Variants in UNC5C observed in about 807,000 individuals in gnomAD.
The protein encoded by UNC5C is netrin receptor UNC5C.
A neutral mutation model predicts 99.8 loss-of-function variants in UNC5C; 47 were observed. That is an observed-to-expected ratio of 0.47 (90% CI 0.37 to 0.60). The LOEUF (loss-of-function observed/expected upper bound fraction) is 0.60. Ranked by LOEUF, UNC5C falls within the 20% of genes least tolerant of loss-of-function variation. The pLI is 0.00. For missense variants in UNC5C, 1,062 were observed against 1,165.9 expected (o/e 0.91, Z 1.30); for synonymous variants, 487 against 452.2 (o/e 1.08, Z -0.98).
intron 4 of UNC5C, among the ~76,000 whole-genome samples, chr4:95,276,663 A>G (rs1043292152): frequency 1.3e-5 from 2 of 152,170 alleles, no homozygotes; most frequent in African/African-American, 2.4e-5. Context: ...CATATGCACT[A>G]TTGTCATTAT....
chr4:95,262,224 A>G (rs28708977), intron 4 of UNC5C, among the ~76,000 whole-genome samples: 62,423 of 152,064 alleles, frequency 0.41, 14,266 homozygotes, highest in Middle Eastern at 0.54. Flanking sequence ...GGTGGTTTAA[A>G]TTCTTTGCTT....
At chr4:95,227,510 A>C (rs1025713125) in intron 7 of UNC5C, among the ~76,000 whole-genome samples, 6 of 152,218 alleles carry the variant, frequency 3.9e-5, no homozygotes, top group African/African-American at 1.2e-4. Context: ...CCTGACTTGC[A>C]GGAATACAGA....
intron 1 of UNC5C, among the ~76,000 whole-genome samples, chr4:95,452,319 C>T (rs1180136902): frequency 6.6e-6 from 1 of 152,048 alleles, no homozygotes; most frequent in African/African-American, 2.4e-5. Context: ...CAATCCTTTG[C>T]TTGAACACAT....
In UNC5C at chr4:95,531,805, C is replaced by T. The variant is rs568334841; in HGVS notation, c.124+16929G>A. On this transcript the variant is annotated intron_variant, in intron 1 of 15. Transcript: ENST00000453304. ...CACACTCACACCATTGTGCCCTGCACGAGACTTGTTGACTTTATAGTGGAG... is the reference window on the plus strand; with the variant it reads ...CACACTCACACCATTGTGCCCTGCATGAGACTTGTTGACTTTATAGTGGAG... 4.6e-5 allele frequency among the ~76,000 whole-genome samples: 7 copies of T among 152,314 alleles called. No individual in the cohort carries two copies. The South Asian group carries it at 8.3e-4, about 18-fold the overall frequency.
At chr4:95,449,708 C>T (rs1009933829) in intron 1 of UNC5C, among the ~76,000 whole-genome samples, 6 of 152,186 alleles carry the variant, frequency 3.9e-5, no homozygotes, top group African/African-American at 1.4e-4. Context: ...AACAAATCTA[C>T]ATATAAACCC....
intron 1 of UNC5C, among the ~76,000 whole-genome samples, chr4:95,536,081 TA>T (rs373119428): frequency 0.1 from 6,146 of 61,176 alleles, 393 homozygotes; most frequent in African/African-American, 0.23. Flanking sequence ...TATATATATA[TA>T]TTTTTTTTTT....
At position 95,226,761 on chromosome 4, in the gene UNC5C, G is replaced by A. The variant is rs1738706127; in HGVS notation, c.1109-6585C>T. On this transcript the variant is annotated intron_variant, in intron 7 of 15. Transcript: ENST00000453304. Reference sequence around the variant, plus strand: ...CAGAGTGCAAATTGATGGTAAAAAGGTATCTCAACCAAGAGTGATGCAATT... The same window carrying A: ...CAGAGTGCAAATTGATGGTAAAAAGATATCTCAACCAAGAGTGATGCAATT... Among the ~76,000 whole-genome samples, 3 of 152,158 alleles carry A rather than the reference G, an allele frequency of 2.0e-5. No homozygotes were observed. The South Asian group carries it at 6.2e-4, about 32-fold the overall frequency.
At chr4:95,250,448 T>A (rs1739656269) in intron 5 of UNC5C, 39 bp downstream of exon 5, 1 of 1,582,554 alleles carries the variant, frequency 6.3e-7, no homozygotes, top group Non-Finnish European at 8.6e-7. Context: ...AAACTGCAGT[T>A]AAACATGAAC....
intron 3 of UNC5C, among the ~76,000 whole-genome samples, chr4:95,301,052 C>T (rs1741847886): frequency 6.6e-6 from 1 of 152,156 alleles, no homozygotes; most frequent in African/African-American, 2.4e-5. Context: ...AAACATCTCA[C>T]ATACCATGTA....
chr4:95,510,774 A>G (rs754633689), intron 1 of UNC5C, among the ~76,000 whole-genome samples: 28 of 152,114 alleles, frequency 1.8e-4, no homozygotes, highest in Non-Finnish European at 2.9e-4. Context: ...AATGTTATAT[A>G]ATCTCCATAG....
Position 95,320,480 on chromosome 4 carries a change from C to T in UNC5C, c.346+14930G>A, listed in dbSNP as rs74694441. On this transcript the variant is annotated intron_variant, in intron 2 of 15. Transcript: ENST00000453304. The stretch of plus-strand genomic sequence containing the variant: ...AAAGTAAAAGAGACTCTTCTTAAAC[C>T]CTTCACATACTTTAGCCAAAGGTTA... Among the ~76,000 whole-genome samples the T allele has an allele frequency of 7.8e-3, 1,178 of 151,414 alleles. 12 individuals are homozygous for T. Among genetic ancestry groups the T allele is most frequent in the Middle Eastern group, 0.014 (4 of 288 alleles).
rs1208042627 is a variant in UNC5C, at chr4:95,250,776, G to GGT, written c.595-110_595-109insAC. 7 of 1,092,946 alleles carry GGT rather than the reference G, an allele frequency of 6.4e-6. No homozygotes were observed. In the East Asian group the frequency reaches 1.7e-4, roughly 26 times the overall value. 67.7% of individuals were successfully genotyped at this position (1,092,946 alleles called of 1,614,324 possible). A position where few individuals can be genotyped will look rare whatever the true frequency, so the allele number is the denominator to read the frequency against. On this transcript the variant is annotated intron_variant, in intron 4 of 15. Coordinates refer to ENST00000453304, the MANE Select transcript of UNC5C (RefSeq NM_003728.4). ...GATCTTAGCCAAAAGGCCGAGAAGCGATACCTGTGTTTTGTAATATGTACA... is the reference window on the plus strand; with the variant it reads ...GATCTTAGCCAAAAGGCCGAGAAGCGGTATACCTGTGTTTTGTAATATGTACA...
chr4:95,226,468 CTAAG>C (rs1738693891), intron 7 of UNC5C, among the ~76,000 whole-genome samples: 1 of 152,150 alleles, frequency 6.6e-6, no homozygotes, highest in South Asian at 2.1e-4. Context: ...ATGCACGTTA[CTAAG>C]GTATACTAAG....
intron 1 of UNC5C, among the ~76,000 whole-genome samples, chr4:95,532,602 T>A (rs997988936): frequency 1.1e-4 from 17 of 152,032 alleles, no homozygotes; most frequent in Non-Finnish European, 2.1e-4. Flanking sequence ...TCCTGTGAGA[T>A]GGGAAAGGTT....
At chr4:95,338,091 GATAAAATGCAA>G (rs1481734340) in intron 1 of UNC5C, among the ~76,000 whole-genome samples, 1 of 151,982 alleles carries the variant, frequency 6.6e-6, no homozygotes, top group Non-Finnish European at 1.5e-5. Flanking sequence ...GGACAGATAT[GATAAAATGCAA>G]ATAAGCTGAT....
At chr4:95,270,438 AG>A (rs1339156972) in intron 4 of UNC5C, among the ~76,000 whole-genome samples, 2 of 152,230 alleles carry the variant, frequency 1.3e-5, no homozygotes, top group African/African-American at 4.8e-5. Flanking sequence ...ATATAGCCAA[AG>A]GATAAAAATA....
At chr4:95,208,469 A>T (rs368236898) in intron 10 of UNC5C, among the ~76,000 whole-genome samples, 2 of 152,320 alleles carry the variant, frequency 1.3e-5, no homozygotes, top group South Asian at 4.1e-4. Context: ...ATTTGAACTT[A>T]ATAGTTTCAA....
At chr4:95,261,037 C>T (rs79015494) in intron 4 of UNC5C, among the ~76,000 whole-genome samples, 5,597 of 152,168 alleles carry the variant, frequency 0.037, 150 homozygotes, top group East Asian at 0.11. Context: ...AATTCAGGAC[C>T]GCCTGAGCTC....
chr4:95,316,748 T>C (rs1404373286), intron 2 of UNC5C, among the ~76,000 whole-genome samples: 2 of 152,172 alleles, frequency 1.3e-5, no homozygotes, highest in African/African-American at 4.8e-5. Flanking sequence ...TTAAATAATA[T>C]AGATTTTTGT....
Sources: allele counts gnomAD v4.1 joint callset (sites outside exome capture counted in the v4.1 genomes callset), GRCh38; gene constraint gnomAD v4.1.1; transcripts MANE v1.5; gene names NCBI Gene and HGNC (gene_info 2026-07-23, HGNC 2026-07-21).